Variants in SEL1L3 observed in about 807,000 individuals in gnomAD.
SEL1L3 encodes SEL1L family member 3.
Under a neutral mutation model 142.8 loss-of-function variants are expected in SEL1L3, and 76 were observed. The observed-to-expected ratio is 0.53, with a 90% CI of 0.44 to 0.64. The LOEUF (loss-of-function observed/expected upper bound fraction) is 0.64, where lower values mean the gene tolerates loss of function less well. SEL1L3 is among the 30% of genes least tolerant of loss of function. The probability of loss-of-function intolerance (pLI) is 0.00; values close to 1 mark genes in which losing one functional copy is unlikely to be tolerated. For synonymous variants in SEL1L3, 504 were observed against 519.6 expected (o/e 0.97, Z 0.41); for missense variants, 1,262 against 1,381.7 (o/e 0.91, Z 1.37).
chr4:25,786,019 A>C (rs1437153416), intron 13 of SEL1L3, among the ~76,000 whole-genome samples: 2 of 152,212 alleles, frequency 1.3e-5, no homozygotes, highest in Non-Finnish European at 2.9e-5. Flanking sequence ...GAGTAGTATT[A>C]AAAGTTGTTA....
intron 23 of SEL1L3, chr4:25,756,807 T>C: frequency 8.0e-7 from 1 of 1,248,054 alleles, no homozygotes; most frequent in Non-Finnish European, 1.0e-6. Flanking sequence ...CGAGTGTTTG[T>C]TTATCCTCTT....
chr4:25,756,093 C>T (rs979388935), intron 23 of SEL1L3: 2 of 985,270 alleles, frequency 2.0e-6, no homozygotes, highest in Middle Eastern at 5.2e-4. Context: ...GTGGAAGAGA[C>T]GCTGACGTGC....
chr4:25,850,112 T>TGGACACGCAGGTATGAG (rs1183006750), intron 1 of SEL1L3, among the ~76,000 whole-genome samples: 1 of 152,160 alleles, frequency 6.6e-6, no homozygotes, highest in Admixed American at 6.5e-5. Context: ...AGCAGCTATG[T>TGGACACGCAGGTATGAG]GGACACGCAG....
At chr4:25,815,796 G>T (rs1299757664) in intron 9 of SEL1L3, among the ~76,000 whole-genome samples, 1 of 151,468 alleles carries the variant, frequency 6.6e-6, no homozygotes, top group Non-Finnish European at 1.5e-5. Context: ...TCAGCTGGGG[G>T]TGATTTGGCC....
rs758024081 is a variant in SEL1L3, at chr4:25,833,479, G to A, written c.951C>T (p.Tyr317=). ...CCGTAAGAAATACAGAAGGTGTGCC[G>A]TACATCTCATTAGAGTCAACAAAGT... The part of the protein sequence containing the change: ...ILYFVDSNEM[Y]GTPSVFLTEE... Residue 317 remains tyrosine (Y), a synonymous_variant, in exon 4 of 24, where the codon TAC becomes TAT. Coordinates refer to ENST00000399878, the MANE Select transcript of SEL1L3 (RefSeq NM_015187.5). 32 of 1,612,440 alleles carry A rather than the reference G, an allele frequency of 2.0e-5. No individual in the cohort carries two copies. The highest frequency in any genetic ancestry group is 8.0e-5 in the African/African-American group (6 of 74,866).
At chr4:25,848,216 CAG>C (rs1304936663) in intron 1 of SEL1L3, among the ~76,000 whole-genome samples, 1 of 152,214 alleles carries the variant, frequency 6.6e-6, no homozygotes, top group Admixed American at 6.5e-5. Context: ...TAGAATAAAA[CAG>C]AGACAATGCA....
chr4:25,820,885 A>T (rs936926182), intron 7 of SEL1L3, among the ~76,000 whole-genome samples: 3 of 152,048 alleles, frequency 2.0e-5, no homozygotes, highest in African/African-American at 7.2e-5. Flanking sequence ...GGTTCAAGTG[A>T]GCACGTCCAG....
chr4:25,813,954 T>C (rs1325834362), intron 9 of SEL1L3, among the ~76,000 whole-genome samples: 1 of 152,170 alleles, frequency 6.6e-6, no homozygotes, highest in Admixed American at 6.5e-5. Context: ...TTGAAGTGTG[T>C]TGTTGGCTGA....
chr4:25,859,964 C>T (rs990943292), intron 1 of SEL1L3, among the ~76,000 whole-genome samples: 2 of 152,100 alleles, frequency 1.3e-5, no homozygotes, highest in Non-Finnish European at 2.9e-5. Flanking sequence ...GCCCGTACAT[C>T]GATGAAGAAT....
At chr4:25,862,543 G>A (rs1281600939) in intron 1 of SEL1L3, 132 bp downstream of exon 1, 6 of 435,560 alleles carry the variant, frequency 1.4e-5, no homozygotes, top group Admixed American at 4.8e-5. Context: ...AACGCCCGGG[G>A]CGCAGCGACG....
At chr4:25,734,118 C>T in the SEL1L3 span, among the ~76,000 whole-genome samples, 4 of 151,918 alleles carry the variant, frequency 2.6e-5, no homozygotes, top group African/African-American at 9.7e-5. Flanking sequence ...CTACCTCCCA[C>T]GTTCAAGCCA....
chr4:25,830,169 G>A lies in SEL1L3; in HGVS notation c.1099-13C>T, dbSNP rs766386366. ...TGGTTACTACTATCTATGATGGGAG[G>A]GATACACAAGAATCAGTTATGCCTC... On this transcript the variant is annotated splice_polypyrimidine_tract_variant and intron_variant, in intron 5 of 23. Coordinates refer to ENST00000399878, the MANE Select transcript of SEL1L3 (RefSeq NM_015187.5). The A allele has an allele frequency of 7.0e-6, 11 of 1,574,200 alleles. No individual in the cohort carries two copies. The South Asian group carries it at 1.1e-4, about 16-fold the overall frequency.
chr4:25,731,580 G>C, the SEL1L3 span, among the ~76,000 whole-genome samples: 31 of 152,176 alleles, frequency 2.0e-4, no homozygotes, highest in Non-Finnish European at 4.4e-5. Flanking sequence ...GAATTAAATA[G>C]AATCAATTGA....
chr4:25,781,951 A>C (rs1286615442), intron 15 of SEL1L3, among the ~76,000 whole-genome samples: 3 of 151,278 alleles, frequency 2.0e-5, no homozygotes, highest in Admixed American at 1.3e-4. Context: ...GTCATCTCCC[A>C]CTCTTCCCTC....
intron 20 of SEL1L3, among the ~76,000 whole-genome samples, chr4:25,764,152 G>A (rs1260519338): frequency 6.6e-6 from 1 of 152,160 alleles, no homozygotes. Context: ...ACAGAAGACA[G>A]ACCCAAATCA....
chr4:25,764,065 G>A (rs28514909), intron 20 of SEL1L3, among the ~76,000 whole-genome samples: 2,863 of 152,272 alleles, frequency 0.019, 97 homozygotes, highest in African/African-American at 0.066. Flanking sequence ...GAGAATCATC[G>A]TTAGAACAGC....
chr4:25,822,444 C>T (rs1403381119), intron 6 of SEL1L3, among the ~76,000 whole-genome samples: 1 of 152,190 alleles, frequency 6.6e-6, no homozygotes, highest in Non-Finnish European at 1.5e-5. Flanking sequence ...AAGCATCTAG[C>T]AGAGTGCTTG....
At chr4:25,775,403 T>G (rs1560290356) in intron 17 of SEL1L3, among the ~76,000 whole-genome samples, 2 of 152,232 alleles carry the variant, frequency 1.3e-5, no homozygotes, top group African/African-American at 4.8e-5. Context: ...TCTTTTGAAC[T>G]TACACTTTAA....
At chr4:25,850,797 T>C (rs931526841) in intron 1 of SEL1L3, among the ~76,000 whole-genome samples, 1 of 152,162 alleles carries the variant, frequency 6.6e-6, no homozygotes, top group Admixed American at 6.5e-5. Context: ...GCAAAGGGTT[T>C]TCTGTCTGGT....
Sources: gnomAD v4.1 joint callset for allele counts (sites outside exome capture counted in the v4.1 genomes callset) on GRCh38, gnomAD v4.1.1 for gene constraint, MANE v1.5 for transcripts, NCBI Gene and HGNC (gene_info 2026-07-23, HGNC 2026-07-21) for gene names.